AADAT: variants seen among roughly 807,000 people sequenced by gnomAD.
AADAT encodes the protein aminoadipate aminotransferase.
In AADAT, 25 loss-of-function variants were observed where a neutral mutation model predicts 56.2. The observed-to-expected ratio is 0.44, with a 90% CI of 0.32 to 0.62. The LOEUF is 0.62. AADAT is among the 20% of genes least tolerant of loss of function. AADAT has a pLI of 0.04. For missense variants in AADAT, 387 were observed against 510.5 expected (o/e 0.76, Z 2.33); for synonymous variants, 173 against 164.7 (o/e 1.05, Z -0.39).
rs1362739432 is a variant in AADAT, at chr4:170,064,755, T to C, written c.1098A>G (p.Val366=). The C allele has an allele frequency of 1.2e-6, 2 of 1,611,224 alleles. No individual in the cohort carries two copies. The highest frequency in any genetic ancestry group is 8.5e-7 in the Non-Finnish European group (1 of 1,179,440). The change falls in exon 11 of 13, where the codon GTA becomes GTG. Residue 366 remains valine (V), a synonymous_variant. Coordinates refer to ENST00000337664, the MANE Select transcript of AADAT (RefSeq NM_016228.4). The part of the protein sequence containing the change: ...LWIKVKGIND[V]KELIEEKAVK... Reference sequence around the variant, plus strand: ...CGGCCTTTTCTTCAATCAGTTCTTTTACATCATTAATGCCTTTAACTTTAA... The same window carrying C: ...CGGCCTTTTCTTCAATCAGTTCTTTCACATCATTAATGCCTTTAACTTTAA...
upstream of AADAT, among the ~76,000 whole-genome samples, chr4:170,092,214 C>G (rs897257342): frequency 6.6e-6 from 1 of 152,262 alleles, no homozygotes; most frequent in Non-Finnish European, 1.5e-5. Flanking sequence ...TGTTTTCTCG[C>G]AGTTTGCAAT....
upstream of AADAT, among the ~76,000 whole-genome samples, chr4:170,091,938 G>C (rs1393419114): frequency 6.6e-6 from 1 of 152,166 alleles, no homozygotes; most frequent in South Asian, 2.1e-4. Flanking sequence ...TCTAGCTCAG[G>C]GTTTGTAAAT....
At chr4:170,086,203 G>A (rs141323682) in intron 3 of AADAT, among the ~76,000 whole-genome samples, 96 of 151,476 alleles carry the variant, frequency 6.3e-4, no homozygotes, top group African/African-American at 1.8e-3. Flanking sequence ...CCGTGATTGC[G>A]CCACCGCACT....
At chr4:170,072,562 C>G (rs1447253960) in intron 5 of AADAT, among the ~76,000 whole-genome samples, 1 of 152,046 alleles carries the variant, frequency 6.6e-6, no homozygotes, top group Admixed American at 6.6e-5. Context: ...TTTTAAAAAG[C>G]TATTTGTAGT....
chr4:170,065,785 G>A (rs992604107), intron 10 of AADAT, among the ~76,000 whole-genome samples: 76 of 152,294 alleles, frequency 5.0e-4, no homozygotes, highest in Middle Eastern at 3.4e-3. Context: ...ACAGGCATGA[G>A]CCACTGCACT....
intron 3 of AADAT, 136 bp downstream of exon 3, chr4:170,086,980 T>G: frequency 8.0e-7 from 1 of 1,242,794 alleles, no homozygotes; most frequent in Non-Finnish European, 1.1e-6. Context: ...TAGTTCCCTG[T>G]TTATAATTCT....
intron 5 of AADAT, among the ~76,000 whole-genome samples, chr4:170,071,088 T>G (rs1301325990): frequency 6.6e-6 from 1 of 152,102 alleles, no homozygotes; most frequent in East Asian, 1.9e-4. Flanking sequence ...AATTTTTGTA[T>G]TTTTGGTAGA....
At chr4:170,066,657 T>G (rs1731477574) in intron 9 of AADAT, among the ~76,000 whole-genome samples, 179 bp from the exon 10 acceptor site, 1 of 152,188 alleles carries the variant, frequency 6.6e-6, no homozygotes, top group Non-Finnish European at 1.5e-5. Flanking sequence ...AACTGCTGTG[T>G]TTTTTCCTTC....
At chr4:170,077,231 G>A (rs1008039273) in intron 4 of AADAT, among the ~76,000 whole-genome samples, 4 of 152,128 alleles carry the variant, frequency 2.6e-5, no homozygotes, top group Non-Finnish European at 4.4e-5. Flanking sequence ...TACAAAAAAG[G>A]CTGTTGGCAT....
chr4:170,060,992 GAATT>G (rs1455339857), intron 12 of AADAT, 23 bp from the exon 13 acceptor site: 13 of 1,425,496 alleles, frequency 9.1e-6, no homozygotes, highest in Admixed American at 2.3e-5. Flanking sequence ...AAAAAAATTA[GAATT>G]AATTAAATTA....
intron 4 of AADAT, among the ~76,000 whole-genome samples, chr4:170,073,656 C>T (rs185509174): frequency 6.6e-5 from 10 of 152,072 alleles, no homozygotes; most frequent in South Asian, 2.1e-4. Flanking sequence ...CACGCCACCA[C>T]GCCCAGGTAA....
chr4:170,090,560 G>T (rs550609859), upstream of AADAT: 1 of 152,132 alleles, frequency 6.6e-6, no homozygotes, highest in Non-Finnish European at 1.5e-5. Context: ...AAATCACTCT[G>T]AGTCTCTTCA....
At chr4:170,070,762 A>T (rs982220800) in intron 5 of AADAT, 110 bp from the exon 6 acceptor site, 6 of 720,312 alleles carry the variant, frequency 8.3e-6, no homozygotes, top group African/African-American at 7.2e-5. Flanking sequence ...TCAAGGAACT[A>T]CTGTGTGTCT....
At chr4:170,093,504 G>C (rs79751662), upstream of AADAT, among the ~76,000 whole-genome samples, 16,928 of 152,166 alleles carry the variant, frequency 0.11, 1,098 homozygotes, top group African/African-American at 0.17. Context: ...AATTTGGAGT[G>C]CTGGGCCAAG....
upstream of AADAT, among the ~76,000 whole-genome samples, chr4:170,092,969 T>C (rs1033248791): frequency 8.5e-5 from 13 of 152,200 alleles, no homozygotes; most frequent in Non-Finnish European, 1.6e-4. Context: ...AAGTAGTTCC[T>C]GAATTTTTAT....
At chr4:170,068,068 T>C (rs1581572758) in intron 8 of AADAT, among the ~76,000 whole-genome samples, 1 of 144,786 alleles carries the variant, frequency 6.9e-6, no homozygotes, top group East Asian at 2.0e-4. Flanking sequence ...GAACCCGGGA[T>C]GCAGAGGTTG....
In AADAT at chr4:170,060,813, G is replaced by C. The variant is rs1731154354; in HGVS notation, c.*115C>G. The C allele has an allele frequency of 7.6e-6, 6 of 784,324 alleles. No homozygotes were observed. Among genetic ancestry groups the C allele is most frequent in the Admixed American group, 2.9e-5 (1 of 34,282 alleles). The allele number at this position is 784,324 out of a possible 1,614,324, so 48.6% of individuals were successfully genotyped here. On this transcript the variant is annotated 3_prime_UTR_variant, in exon 13 of 13. Coordinates refer to ENST00000337664, the MANE Select transcript of AADAT (RefSeq NM_016228.4). ...CATGCAGGCCAGAGTGCAGTGGTGT[G>C]ATCGTAGCTTACTGCAGCCTTGAAT...
intron 8 of AADAT, 100 bp from the exon 9 acceptor site, chr4:170,067,488 A>G (rs547153753): frequency 4.3e-5 from 36 of 832,394 alleles, no homozygotes; most frequent in East Asian, 1.0e-4. Flanking sequence ...GTAAACCACA[A>G]TAAGATATAA....
chr4:170,092,395 C>G (rs549171619), upstream of AADAT, among the ~76,000 whole-genome samples: 1 of 152,248 alleles, frequency 6.6e-6, no homozygotes, highest in Admixed American at 6.5e-5. Flanking sequence ...CCGCCAAAGT[C>G]TGCAGCTTCA....
Sources: allele counts gnomAD v4.1 joint callset (sites outside exome capture counted in the v4.1 genomes callset), GRCh38; gene constraint gnomAD v4.1.1; transcripts MANE v1.5; gene names NCBI Gene and HGNC (gene_info 2026-07-23, HGNC 2026-07-21).